PEX13: variants seen among roughly 807,000 people sequenced by gnomAD.
PEX13 encodes peroxisome biogenesis factor 13.
A neutral mutation model predicts 34.5 loss-of-function variants in PEX13; 28 were observed. The observed-to-expected ratio is 0.81, with a 90% confidence interval of 0.60 to 1.11. The LOEUF is 1.11. PEX13 is among the 50% of genes most tolerant of loss of function. PEX13 has a pLI of 0.00. For synonymous variants in PEX13, 177 were observed against 175.1 expected (o/e 1.01, Z -0.09); for missense variants, 550 against 491.0 (o/e 1.12, Z -1.13).
At chr2:61,032,567 A>G (rs1367335781) in intron 2 of PEX13, among the ~76,000 whole-genome samples, 1 of 152,230 alleles carries the variant, frequency 6.6e-6, no homozygotes, top group African/African-American at 2.4e-5. Context: ...AACAATCCAA[A>G]GAGATAGGAA....
intron 1 of PEX13, among the ~76,000 whole-genome samples, chr2:61,024,498 T>C (rs977091529): frequency 3.3e-5 from 5 of 152,194 alleles, no homozygotes; most frequent in African/African-American, 9.6e-5. Flanking sequence ...TCTTTCACTG[T>C]GTCTAATCTG....
intron 2 of PEX13, among the ~76,000 whole-genome samples, chr2:61,033,673 T>C (rs1487042851): frequency 1.3e-5 from 2 of 151,754 alleles, no homozygotes. Context: ...GGAACAGGGG[T>C]TGCAGTGCTA....
Position 61,045,715 on chromosome 2 carries a change from T to G in PEX13, c.788-11T>G. ...TAAATTTTATTAACCTAATTTTAAT[T>G]TGGCTTATAGACAGCATCAACTGGG... is the stretch of plus-strand genomic sequence containing the variant. On this transcript the variant is annotated splice_polypyrimidine_tract_variant and intron_variant, in intron 2 of 3. Coordinates refer to ENST00000295030, the MANE Select transcript of PEX13 (RefSeq NM_002618.4). The G allele has an allele frequency of 6.2e-7, 1 of 1,611,844 alleles. No individual in the cohort carries two copies. Among genetic ancestry groups the G allele is most frequent in the Non-Finnish European group, 8.5e-7 (1 of 1,177,988 alleles).
At chr2:61,026,494 C>A (rs988620912) in intron 1 of PEX13, among the ~76,000 whole-genome samples, 1 of 151,726 alleles carries the variant, frequency 6.6e-6, no homozygotes, top group Non-Finnish European at 1.5e-5. Flanking sequence ...ATTACAGGCG[C>A]CCACCACCAC....
chr2:61,032,928 C>A (rs1177234), intron 2 of PEX13, among the ~76,000 whole-genome samples: 95,059 of 151,980 alleles, frequency 0.63, 31,490 homozygotes, highest in African/African-American at 0.85. Context: ...TGCATTGGAT[C>A]GTAAGAAATA....
At chr2:61,042,948 G>C (rs1194453221) in intron 2 of PEX13, among the ~76,000 whole-genome samples, 1 of 152,166 alleles carries the variant, frequency 6.6e-6, no homozygotes, top group Non-Finnish European at 1.5e-5. Flanking sequence ...TGCTAAATCT[G>C]TTGGCTAAAT....
chr2:61,048,579 A>G lies in PEX13; in HGVS notation c.1021A>G (p.Lys341Glu), dbSNP rs778702229. The change falls in exon 4 of 4, where the codon AAA becomes GAA. Residue 341 changes from lysine (K) to glutamate (E), a missense_variant. Physicochemically the swap from Lys to Glu is moderately conservative, Grantham distance 56. Transcript: ENST00000295030. ...AATTCTTGGCAAAAGAAAAGGTAGG[A>G]AAACGGTGGAATCAAGTAAAGTTTC... ...VKILGKRKGR[K>E]TVESSKVSKQ... 1 of 1,614,162 alleles carries G rather than the reference A, an allele frequency of 6.2e-7. No individual in the cohort carries two copies. Among genetic ancestry groups the G allele is most frequent in the South Asian group, 1.1e-5 (1 of 91,088 alleles).
intron 1 of PEX13, among the ~76,000 whole-genome samples, chr2:61,026,989 G>C (rs1680367887): frequency 6.6e-6 from 1 of 151,658 alleles, no homozygotes; most frequent in South Asian, 2.1e-4. Flanking sequence ...GCCTCTCCCT[G>C]TTCCCTCTAC....
At position 61,048,664 on chromosome 2, in the gene PEX13, C is replaced by G. The variant is rs996904615; in HGVS notation, c.1106C>G (p.Ser369Cys). The change falls in exon 4 of 4, where the codon TCT (serine) becomes TGT (cysteine). Residue 369 changes from serine to cysteine, a missense_variant. Coordinates refer to ENST00000295030, the MANE Select transcript of PEX13 (RefSeq NM_002618.4). ...ACTAAAGGAGCCACGGTTGCTGATT[C>G]TTTGGATGAACAGGAAGCTGCCTTT... ...TLTKGATVAD[S>C]LDEQEAAFES... 1 of 1,613,974 alleles carries G rather than the reference C, an allele frequency of 6.2e-7. No homozygotes were observed. Among genetic ancestry groups the G allele is most frequent in the Non-Finnish European group, 8.5e-7 (1 of 1,179,866 alleles).
rs2104816808 is a variant in PEX13, at chr2:61,051,845, A to T, written c.*3075A>T. On this transcript the variant is annotated 3_prime_UTR_variant, in exon 4 of 4. Transcript: ENST00000295030. ...CGTACTTGATTCTGTCTGTGTCATA[A>T]TTACACATTTACTTGAACACAGCTA... is the stretch of plus-strand genomic sequence containing the variant. 1 of 152,450 alleles carries T rather than the reference A, an allele frequency of 6.6e-6. No homozygotes were observed. Among genetic ancestry groups the T allele is most frequent in the Non-Finnish European group, 1.5e-5 (1 of 68,026 alleles). The allele number at this position is 152,450 out of a possible 1,614,324, so 9.4% of individuals were successfully genotyped here.
At chr2:61,029,033 C>T (rs578203148) in intron 1 of PEX13, among the ~76,000 whole-genome samples, 19 of 150,540 alleles carry the variant, frequency 1.3e-4, no homozygotes, top group Middle Eastern at 3.4e-3. Flanking sequence ...AAAAGTTAGC[C>T]GGGAGTGGTG....
intron 1 of PEX13, among the ~76,000 whole-genome samples, chr2:61,022,581 A>G (rs1190576238): frequency 1.3e-5 from 2 of 152,238 alleles, no homozygotes; most frequent in Non-Finnish European, 2.9e-5. Context: ...TCCAAATTCT[A>G]TTCTAAACCA....
chr2:61,018,445 A>G (rs1179154146), intron 1 of PEX13: 2 of 914,730 alleles, frequency 2.2e-6, no homozygotes, highest in Non-Finnish European at 3.1e-6. Context: ...TGTGTGCAAA[A>G]TAGTGTATTT....
At chr2:61,046,050 A>C (rs1376218533) in intron 3 of PEX13, among the ~76,000 whole-genome samples, 199 bp downstream of exon 3, 2 of 152,216 alleles carry the variant, frequency 1.3e-5, no homozygotes, top group African/African-American at 4.8e-5. Context: ...TTCGAATACT[A>C]TTTCACTGAG....
At position 61,050,905 on chromosome 2, in the gene PEX13, G is replaced by A. The variant is rs1680786471; in HGVS notation, c.*2135G>A. On this transcript the variant is annotated 3_prime_UTR_variant, in exon 4 of 4. Coordinates refer to ENST00000295030, the MANE Select transcript of PEX13 (RefSeq NM_002618.4). The stretch of plus-strand genomic sequence containing the variant: ...CAAAGTGTTGGGATTACAGGCGTGA[G>A]CCACCGCACCCAGCGATTTAGTATT... 6.6e-6 allele frequency: 1 copy of A among 152,330 alleles called. No homozygotes were observed. Among genetic ancestry groups the A allele is most frequent in the Non-Finnish European group, 1.5e-5 (1 of 68,078 alleles). 9.4% of individuals were successfully genotyped at this position (152,330 alleles called of 1,614,324 possible). A position where few individuals can be genotyped will look rare whatever the true frequency, so the allele number is the denominator to read the frequency against.
Position 61,031,518 on chromosome 2 carries a change from A to C in PEX13, c.192A>C (p.Gly64=). The C allele has an allele frequency of 6.2e-7, 1 of 1,614,114 alleles. No individual in the cohort carries two copies. Among genetic ancestry groups the C allele is most frequent in the Non-Finnish European group, 8.5e-7 (1 of 1,179,974 alleles). Residue 64 remains glycine, a synonymous_variant, in exon 2 of 4, where the codon GGA becomes GGC. Transcript: ENST00000295030. ...TTCCAAGGCCATCACAGCAGACAGG[A>C]AGTAGCAGTGTGAACACTTTTAGAC... ...PILPRPSQQT[G]SSSVNTFRPA... is the part of the protein sequence containing the mutation.
At position 61,032,364 on chromosome 2, in the gene PEX13, C is replaced by T. The variant is rs369030825; in HGVS notation, c.787+251C>T. 5.8e-4 allele frequency among the ~76,000 whole-genome samples: 89 copies of T among 152,242 alleles called. 1 individual carries two copies. The South Asian group carries it at 0.018, about 31-fold the overall frequency. On this transcript the variant is annotated intron_variant, in intron 2 of 3. Transcript: ENST00000295030. ...TGGTGCTGTGGAGGATACAAAGATA[C>T]ATAGGGCATAATTCCTATCTTTCTA...
intron 2 of PEX13, among the ~76,000 whole-genome samples, chr2:61,041,669 G>A (rs1414451866): frequency 6.6e-6 from 1 of 152,068 alleles, no homozygotes. Flanking sequence ...TGGAAGGAGG[G>A]AGGAAAAGAA....
intron 2 of PEX13, among the ~76,000 whole-genome samples, chr2:61,043,459 T>C (rs1217791691): frequency 1.3e-5 from 2 of 151,962 alleles, no homozygotes; most frequent in Non-Finnish European, 2.9e-5. Flanking sequence ...ATGGTTCAAC[T>C]ACAGACAAGA....
Sources: allele counts gnomAD v4.1 joint callset (sites outside exome capture counted in the v4.1 genomes callset), GRCh38; gene constraint gnomAD v4.1.1; transcripts MANE v1.5; gene names NCBI Gene and HGNC (gene_info 2026-07-23, HGNC 2026-07-21).